GPHN: variants seen among roughly 807,000 people sequenced by gnomAD.
GPHN encodes gephyrin.
Under a neutral mutation model 95.5 loss-of-function variants are expected in GPHN, and 17 were observed. That is an observed-to-expected ratio of 0.18 (90% CI 0.12 to 0.27). The LOEUF is 0.27. GPHN is among the 10% of genes least tolerant of loss of function. The pLI is 1.00. For missense variants in GPHN, 660 were observed against 978.1 expected, an observed-to-expected ratio of 0.67 and a Z score of 4.34; for synonymous variants, 320 against 322.5, an observed-to-expected ratio of 0.99 and a Z score of 0.08.
chr14:66,598,769 C>T (rs991752124), intron 1 of GPHN, among the ~76,000 whole-genome samples: 2 of 150,098 alleles, frequency 1.3e-5, no homozygotes, highest in Non-Finnish European at 3.0e-5. Flanking sequence ...CGCTTGACCA[C>T]GGAGGTTGCA....
the GPHN span, among the ~76,000 whole-genome samples, chr14:67,614,103 T>C: frequency 6.6e-6 from 1 of 152,024 alleles, no homozygotes; most frequent in Non-Finnish European, 1.5e-5. Flanking sequence ...ACCCAGCTAA[T>C]TTTGTTTATT....
intron 1 of GPHN, among the ~76,000 whole-genome samples, chr14:66,649,482 C>T (rs2064933407): frequency 1.3e-5 from 2 of 152,182 alleles, no homozygotes; most frequent in African/African-American, 2.4e-5. Flanking sequence ...CAGCCACTCC[C>T]CACTGCTCAC....
chr14:67,340,563 T>G, the GPHN span: 1 of 1,485,774 alleles, frequency 6.7e-7, no homozygotes, highest in Non-Finnish European at 9.4e-7. Context: ...TTCAAACCCC[T>G]TTTTTCAAAT....
chr14:66,629,154 T>A (rs1398403767), intron 1 of GPHN, among the ~76,000 whole-genome samples: 1 of 114,008 alleles, frequency 8.8e-6, no homozygotes, highest in Non-Finnish European at 1.7e-5. Context: ...TATACATATA[T>A]AAATATGTAT....
chr14:67,413,697 C>T, the GPHN span, among the ~76,000 whole-genome samples: 18 of 152,166 alleles, frequency 1.2e-4, no homozygotes, highest in Non-Finnish European at 5.9e-5. Context: ...TGGGTCACTG[C>T]GTGCCAGCCC....
chr14:66,533,095 T>C (rs1018512652), intron 1 of GPHN, among the ~76,000 whole-genome samples: 3 of 152,224 alleles, frequency 2.0e-5, no homozygotes, highest in Non-Finnish European at 4.4e-5. Flanking sequence ...GTTAACAAGT[T>C]AATAATTTGT....
At chr14:66,799,573 G>A (rs986238440) in intron 3 of GPHN, among the ~76,000 whole-genome samples, 1 of 151,858 alleles carries the variant, frequency 6.6e-6, no homozygotes, top group Non-Finnish European at 1.5e-5. Context: ...GACCTTCTTT[G>A]TCTCTTCTAA....
At chr14:67,729,288 C>T in the GPHN span, 2 of 1,604,770 alleles carry the variant, frequency 1.2e-6, no homozygotes, top group Admixed American at 1.7e-5. Flanking sequence ...GGCTCTTCTC[C>T]CCCTTTGTCA....
At chr14:67,548,731 C>T in the GPHN span, among the ~76,000 whole-genome samples, 8 of 152,290 alleles carry the variant, frequency 5.3e-5, no homozygotes, top group Admixed American at 2.6e-4. Flanking sequence ...TGTGACAAAA[C>T]ATTATTCTTT....
At chr14:66,625,488 T>TC (rs975506801) in intron 1 of GPHN, among the ~76,000 whole-genome samples, 4 of 152,056 alleles carry the variant, frequency 2.6e-5, no homozygotes, top group East Asian at 1.9e-4. Context: ...TTTCTCAATT[T>TC]CCCCCCCAAT....
chr14:67,516,294 C>G, the GPHN span, among the ~76,000 whole-genome samples: 2 of 152,148 alleles, frequency 1.3e-5, no homozygotes, highest in South Asian at 4.1e-4. Context: ...CCTTTTGTCA[C>G]TAACCCATCC....
chr14:66,782,170 C>A (rs1349845380), intron 3 of GPHN, among the ~76,000 whole-genome samples: 1 of 151,958 alleles, frequency 6.6e-6, no homozygotes, highest in African/African-American at 2.4e-5. Context: ...CATTTTTGCC[C>A]CACTGGTTTG....
At chr14:66,741,778 A>G (rs2153440731) in intron 2 of GPHN, among the ~76,000 whole-genome samples, 1 of 152,282 alleles carries the variant, frequency 6.6e-6, no homozygotes, top group East Asian at 1.9e-4. Context: ...GCCTCCTTCT[A>G]ATATCTCCTC....
the GPHN span, among the ~76,000 whole-genome samples, chr14:67,532,927 TC>T: frequency 5.9e-5 from 9 of 151,672 alleles, no homozygotes; most frequent in African/African-American, 2.2e-4. Context: ...CCCGGGGCGC[TC>T]TGGCCACCCC....
At chr14:67,557,331 C>T in the GPHN span, 2 of 1,613,430 alleles carry the variant, frequency 1.2e-6, no homozygotes, top group South Asian at 2.2e-5. Context: ...CTGAGGGGAG[C>T]CTGCACCGGA....
the GPHN span, among the ~76,000 whole-genome samples, chr14:67,535,703 A>G: frequency 3.9e-5 from 6 of 152,124 alleles, no homozygotes; most frequent in African/African-American, 1.2e-4. Context: ...TTTGGGCCAC[A>G]TCTCCTTTTA....
chr14:66,799,738 A>G (rs552579610), intron 3 of GPHN, among the ~76,000 whole-genome samples: 10 of 152,028 alleles, frequency 6.6e-5, no homozygotes, highest in African/African-American at 1.9e-4. Flanking sequence ...CAACAGATCA[A>G]TAGGTCTTGT....
intron 4 of GPHN, among the ~76,000 whole-genome samples, chr14:66,845,640 G>A (rs1398708686): frequency 6.6e-6 from 1 of 152,152 alleles, no homozygotes; most frequent in Admixed American, 6.6e-5. Flanking sequence ...ACCAGGTCAT[G>A]TTTAGAGGAA....
At chr14:67,323,423 T>C in the GPHN span, among the ~76,000 whole-genome samples, 6 of 151,528 alleles carry the variant, frequency 4.0e-5, no homozygotes, top group African/African-American at 1.5e-4. Context: ...AAGACCAGCC[T>C]GGACAACAAA....
Sources: allele counts gnomAD v4.1 joint callset (sites outside exome capture counted in the v4.1 genomes callset), GRCh38; gene constraint gnomAD v4.1.1; transcripts MANE v1.5; gene names NCBI Gene and HGNC (gene_info 2026-07-23, HGNC 2026-07-21).